The following SAMD12 variants were observed in gnomAD, a reference collection of about 807,000 sequenced individuals.
SAMD12 encodes sterile alpha motif domain containing 12.
Under a neutral mutation model 15.0 loss-of-function variants are expected in SAMD12, and 9 were observed. That is an observed-to-expected ratio of 0.60 (90% CI 0.36 to 1.05). The LOEUF (loss-of-function observed/expected upper bound fraction) is 1.05, where lower values mean the gene tolerates loss of function less well. Among genes scored for constraint, SAMD12 ranks in the 50% least tolerant of loss-of-function variants. SAMD12 has a pLI of 0.01. For synonymous variants in SAMD12, 86 were observed against 90.1 expected, an observed-to-expected ratio of 0.96 and a Z score of 0.25; for missense variants, 230 against 234.2, an observed-to-expected ratio of 0.98 and a Z score of 0.12.
In SAMD12 at chr8:118,466,801, AG is replaced by A. The variant is rs768006318; in HGVS notation, c.193-26841del. Among the ~76,000 whole-genome samples the A allele has an allele frequency of 7.8e-5, 6 of 76,576 alleles. No individual in the cohort carries two copies. The South Asian group carries it at 2.5e-3, about 32-fold the overall frequency. The allele number at this position is 76,576 out of a possible 152,430, so 50.2% of individuals were successfully genotyped here. On this transcript the variant is annotated intron_variant, in intron 2 of 3. Transcript: ENST00000314727. The stretch of plus-strand genomic sequence containing the variant: ...CTGGCTAGCAGTAATAGGGAGAGAG[AG>A]AAAAAAAAATACGTTGTGTGTTAAG...
intron 3 of SAMD12, among the ~76,000 whole-genome samples, chr8:118,431,790 G>A (rs1423561106): frequency 6.6e-6 from 1 of 150,710 alleles, no homozygotes; most frequent in African/African-American, 2.4e-5. Flanking sequence ...TGGATATGTG[G>A]TTCAATGTTT....
chr8:118,225,783 C>T lies in SAMD12; in HGVS notation c.434-28051G>A, dbSNP rs578016219. On this transcript the variant is annotated intron_variant, in intron 4 of 4. Transcript: ENST00000409003. ...AATTCATATGCAGGGACAGGCCAAG[C>T]GCAGCGAGGATACTCAGCATATGAC... 4.6e-5 allele frequency among the ~76,000 whole-genome samples: 7 copies of T among 152,242 alleles called. No individual in the cohort carries two copies. In the South Asian group the frequency reaches 6.2e-4, roughly 14 times the overall value.
chr8:118,562,969 A>G (rs1287553052), intron 2 of SAMD12, among the ~76,000 whole-genome samples: 1 of 152,246 alleles, frequency 6.6e-6, no homozygotes, highest in Non-Finnish European at 1.5e-5. Context: ...GGCTGCTGAC[A>G]GTCTTATAAA....
At chr8:118,312,628 A>T (rs1815687206) in intron 4 of SAMD12, among the ~76,000 whole-genome samples, 1 of 152,202 alleles carries the variant, frequency 6.6e-6, no homozygotes, top group Admixed American at 6.5e-5. Flanking sequence ...CTCCAACTAC[A>T]GCTTTTATTA....
intron 4 of SAMD12, among the ~76,000 whole-genome samples, chr8:118,363,806 C>T (rs1417127536): frequency 6.6e-6 from 1 of 152,168 alleles, no homozygotes; most frequent in Non-Finnish European, 1.5e-5. Flanking sequence ...GGCATTGTGG[C>T]TCTTTGGGCC....
chr8:118,275,995 TGTAA>T (rs1813465699), intron 4 of SAMD12, among the ~76,000 whole-genome samples: 1 of 152,202 alleles, frequency 6.6e-6, no homozygotes, highest in African/African-American at 2.4e-5. Flanking sequence ...TCTTCACTAT[TGTAA>T]GTAGTGCTGT....
At chr8:118,371,312 T>C (rs1043629937) in intron 4 of SAMD12, among the ~76,000 whole-genome samples, 3 of 152,140 alleles carry the variant, frequency 2.0e-5, no homozygotes, top group African/African-American at 4.8e-5. Flanking sequence ...GGGAAGTTAA[T>C]TGAAGTAGAA....
At chr8:118,592,357 C>T (rs1253771102) in intron 1 of SAMD12, among the ~76,000 whole-genome samples, 1 of 152,032 alleles carries the variant, frequency 6.6e-6, no homozygotes, top group African/African-American at 2.4e-5. Flanking sequence ...CACATAGTTC[C>T]CATGTTACTC....
rs1266700578 is a variant in SAMD12, at chr8:118,500,052, G to GCC, written c.193-60093_193-60092dup. Among the ~76,000 whole-genome samples, 3 of 133,336 alleles carry GCC rather than the reference G, an allele frequency of 2.2e-5. No homozygotes were observed. The East Asian group carries it at 7.4e-4, about 33-fold the overall frequency. 87.5% of individuals were successfully genotyped at this position (133,336 alleles called of 152,430 possible). On this transcript the variant is annotated intron_variant, in intron 2 of 3. Coordinates refer to ENST00000314727, the MANE Select transcript of SAMD12 (RefSeq NM_207506.3). ...TGTTGATCTGCTCCCCAGGATACAC[G>GCC]CCCCTGAGTTTTGCCTTTTTTTTTT...
chr8:118,297,230 T>C (rs899485224), intron 4 of SAMD12, among the ~76,000 whole-genome samples: 5 of 152,214 alleles, frequency 3.3e-5, no homozygotes, highest in African/African-American at 9.6e-5. Context: ...AACTAGAACA[T>C]CTTTTTGACA....
intron 4 of SAMD12, among the ~76,000 whole-genome samples, chr8:118,262,770 T>G (rs2130071084): frequency 6.6e-6 from 1 of 152,098 alleles, no homozygotes. Flanking sequence ...CTAAGGGAGA[T>G]CTGAAGACTT....
At position 118,378,854 on chromosome 8, in the gene SAMD12, A is replaced by G. The variant is rs1819517447; in HGVS notation, c.*563T>C. 1.0e-6 allele frequency: 1 copy of G among 984,462 alleles called. No homozygotes were observed. Among genetic ancestry groups the G allele is most frequent in the Non-Finnish European group, 1.2e-6 (1 of 828,956 alleles). The allele number at this position is 984,462 out of a possible 1,614,324, so 61.0% of individuals were successfully genotyped here. On this transcript the variant is annotated 3_prime_UTR_variant, in exon 4 of 4. Coordinates refer to ENST00000314727, the MANE Select transcript of SAMD12 (RefSeq NM_207506.3). Reference sequence around the variant, plus strand: ...GCTTTATTTTGTCACTTCCACAGTTATTGAGATCTTAAGTGCTCTCATCAT... The same window carrying G: ...GCTTTATTTTGTCACTTCCACAGTTGTTGAGATCTTAAGTGCTCTCATCAT...
the SAMD12 span, among the ~76,000 whole-genome samples, chr8:118,150,965 T>C: frequency 2.0e-5 from 3 of 152,146 alleles, no homozygotes; most frequent in African/African-American, 7.2e-5. Flanking sequence ...CCTAGCCTCT[T>C]GAGAGGAGGT....
intron 2 of SAMD12, among the ~76,000 whole-genome samples, chr8:118,567,130 C>T (rs1204915776): frequency 6.6e-6 from 1 of 152,146 alleles, no homozygotes; most frequent in African/African-American, 2.4e-5. Context: ...TGACATCTCT[C>T]TCATGAGGTA....
At chr8:118,273,781 G>A (rs987722730) in intron 4 of SAMD12, among the ~76,000 whole-genome samples, 2 of 152,192 alleles carry the variant, frequency 1.3e-5, no homozygotes, top group African/African-American at 4.8e-5. Flanking sequence ...ACACAGATGG[G>A]AAACTGGAGA....
intron 3 of SAMD12, among the ~76,000 whole-genome samples, chr8:118,393,094 C>T (rs1271925449): frequency 2.0e-5 from 3 of 152,150 alleles, no homozygotes; most frequent in Non-Finnish European, 4.4e-5. Context: ...TCTTTTCTAC[C>T]CACTGTCTCA....
exon 5 of SAMD12, chr8:118,196,598 C>T (rs1819570108): frequency 6.6e-6 from 1 of 152,096 alleles, no homozygotes; most frequent in African/African-American, 2.4e-5. Context: ...TAGGACTTGA[C>T]CCTTTTCCTT....
At chr8:118,405,214 G>C (rs935244303) in intron 3 of SAMD12, among the ~76,000 whole-genome samples, 2 of 151,974 alleles carry the variant, frequency 1.3e-5, no homozygotes, top group African/African-American at 4.8e-5. Flanking sequence ...ATATACACAA[G>C]ACCCAACGAT....
At chr8:118,341,501 CACAG>C (rs1259489240) in intron 4 of SAMD12, among the ~76,000 whole-genome samples, 6 of 152,196 alleles carry the variant, frequency 3.9e-5, no homozygotes, top group African/African-American at 1.4e-4. Flanking sequence ...CAGGCTGCAC[CACAG>C]ACAGACTGGG....
Sources: allele counts gnomAD v4.1 joint callset (sites outside exome capture counted in the v4.1 genomes callset), GRCh38; gene constraint gnomAD v4.1.1; transcripts MANE v1.5; gene names NCBI Gene and HGNC (gene_info 2026-07-23, HGNC 2026-07-21).